The following CPS1 variants were observed in gnomAD, a reference collection of about 807,000 sequenced individuals.
The protein encoded by CPS1 is carbamoyl-phosphate synthase 1.
Under a neutral mutation model 174.6 loss-of-function variants are expected in CPS1, and 109 were observed. The observed-to-expected ratio is 0.62, with a 90% confidence interval of 0.53 to 0.73. The LOEUF (loss-of-function observed/expected upper bound fraction) is 0.73. Ranked by LOEUF, CPS1 falls within the 30% of genes least tolerant of loss-of-function variation. The pLI, the probability that CPS1 is intolerant of heterozygous loss-of-function variation, is 0.00. For missense variants in CPS1, 1,689 were observed against 1,821.9 expected, an observed-to-expected ratio of 0.93 and a Z score of 1.33; for synonymous variants, 637 against 632.0, an observed-to-expected ratio of 1.01 and a Z score of -0.12.
intron 1 of CPS1, among the ~76,000 whole-genome samples, chr2:210,503,948 A>T (rs17772042): frequency 0.23 from 35,468 of 152,090 alleles, 4,313 homozygotes; most frequent in Middle Eastern, 0.37. Flanking sequence ...CTGGAAGACC[A>T]CATAGCACAT....
intron 20 of CPS1, among the ~76,000 whole-genome samples, chr2:210,613,189 T>A (rs1448415746): frequency 6.6e-6 from 1 of 151,972 alleles, no homozygotes; most frequent in Non-Finnish European, 1.5e-5. Context: ...CTTTGTAATT[T>A]GCCTGTGTAG....
rs1016982009 is a variant in CPS1, at chr2:210,628,717, C to T, written c.2688-8985C>T. Among the ~76,000 whole-genome samples, 4 of 151,902 alleles carry T rather than the reference C, an allele frequency of 2.6e-5. No homozygotes were observed. The East Asian group carries it at 5.8e-4, about 22-fold the overall frequency. On this transcript the variant is annotated intron_variant, in intron 21 of 37. Transcript: ENST00000233072. ...TCGGAGACTGAGGCAGGAGAATCGCCTGAACTGGGGAGGTGGAGGTTGCAG... is the reference window on the plus strand; with the variant it reads ...TCGGAGACTGAGGCAGGAGAATCGCTTGAACTGGGGAGGTGGAGGTTGCAG...
At chr2:210,670,315 T>C (rs1203077673) in intron 34 of CPS1, among the ~76,000 whole-genome samples, 1 of 152,168 alleles carries the variant, frequency 6.6e-6, no homozygotes, top group African/African-American at 2.4e-5. Context: ...TTCATTACTA[T>C]ATGTAGGATT....
chr2:210,490,729 C>G (rs965788941), intron 1 of CPS1, among the ~76,000 whole-genome samples: 6 of 152,186 alleles, frequency 3.9e-5, no homozygotes, highest in African/African-American at 7.2e-5. Context: ...GGAAATGAAT[C>G]AATTCATTTT....
intron 1 of CPS1, among the ~76,000 whole-genome samples, chr2:210,480,362 T>C (rs1366883744): frequency 6.6e-6 from 1 of 152,240 alleles, no homozygotes; most frequent in Non-Finnish European, 1.5e-5. Flanking sequence ...AACAGCTATG[T>C]GTTCAGCTAC....
intron 1 of CPS1, among the ~76,000 whole-genome samples, chr2:210,557,353 A>G (rs935696462): frequency 6.6e-6 from 1 of 152,102 alleles, no homozygotes; most frequent in Non-Finnish European, 1.5e-5. Context: ...GCAGGTCATC[A>G]TGTAGACACT....
At chr2:210,552,029 T>C (rs973775889), upstream of CPS1, among the ~76,000 whole-genome samples, 2 of 151,982 alleles carry the variant, frequency 1.3e-5, no homozygotes, top group Non-Finnish European at 2.9e-5. Context: ...AGATGCCTTC[T>C]TCATCCATAT....
intron 1 of CPS1, among the ~76,000 whole-genome samples, chr2:210,537,697 T>G (rs1006762732): frequency 3.9e-5 from 6 of 152,316 alleles, no homozygotes; most frequent in African/African-American, 1.4e-4. Flanking sequence ...AAAACAGCAA[T>G]GATTATTTTA....
chr2:210,556,628 C>T lies in CPS1; in HGVS notation c.-106C>T, dbSNP rs1696920763. On this transcript the variant is annotated 5_prime_UTR_variant, in exon 1 of 38. Coordinates refer to ENST00000233072, the MANE Select transcript of CPS1 (RefSeq NM_001875.5). ...ATCGCTGTGCAGTCAGCCTTAAACA[C>T]TGACTGCACCCCTCCCAGATTTCTT... is the stretch of plus-strand genomic sequence containing the variant. The T allele has an allele frequency of 7.7e-6, 12 of 1,552,620 alleles. No homozygotes were observed. The highest frequency in any genetic ancestry group is 1.4e-5 in the African/African-American group (1 of 72,448).
intron 25 of CPS1, among the ~76,000 whole-genome samples, chr2:210,643,077 ACAGTTC>A (rs1700278557): frequency 1.3e-5 from 2 of 152,198 alleles, no homozygotes; most frequent in African/African-American, 4.8e-5. Context: ...TTAATGATAA[ACAGTTC>A]CAGTTCCCTG....
chr2:210,585,615 T>C (rs1251372733), intron 6 of CPS1, among the ~76,000 whole-genome samples: 1 of 152,016 alleles, frequency 6.6e-6, no homozygotes, highest in Non-Finnish European at 1.5e-5. Flanking sequence ...GTCTAGTGTC[T>C]GTCTCTCAGA....
At chr2:210,619,060 C>T (rs1478737382) in intron 21 of CPS1, 1 of 152,126 alleles carries the variant, frequency 6.6e-6, no homozygotes, top group African/African-American at 2.4e-5. Context: ...TCTCCTGCCT[C>T]AACATCTATC....
intron 1 of CPS1, among the ~76,000 whole-genome samples, chr2:210,513,014 C>A (rs563810529): frequency 0.077 from 260 of 3,368 alleles, 78 homozygotes; most frequent in Non-Finnish European, 0.088. Flanking sequence ...ATATATATAT[C>A]TATATATCTA....
chr2:210,622,562 T>C (rs1218725462), intron 21 of CPS1, among the ~76,000 whole-genome samples: 1 of 151,826 alleles, frequency 6.6e-6, no homozygotes, highest in African/African-American at 2.4e-5. Flanking sequence ...GCATATATAA[T>C]GAAGGTTTCT....
In CPS1 at chr2:210,549,191, C is replaced by A. The variant is rs953426712; in HGVS notation, c.4-7528C>A. On this transcript the variant is annotated intron_variant, in intron 1 of 38. Transcript: ENST00000430249. ...GATCTGGATTGCCATAGATAACCAT[C>A]TACCTCACAGCTAGGGTTGCTCTTT... is the stretch of plus-strand genomic sequence containing the variant. Among the ~76,000 whole-genome samples the A allele has an allele frequency of 2.0e-5, 3 of 152,046 alleles. No individual in the cohort carries two copies. In the South Asian group the frequency reaches 6.2e-4, roughly 31 times the overall value.
At chr2:210,496,698 G>A (rs1409284718) in intron 1 of CPS1, among the ~76,000 whole-genome samples, 1 of 152,108 alleles carries the variant, frequency 6.6e-6, no homozygotes, top group Non-Finnish European at 1.5e-5. Flanking sequence ...CTAGCTTCCT[G>A]CTCTTCCTCC....
chr2:210,481,051 T>C (rs1207339345), intron 1 of CPS1, among the ~76,000 whole-genome samples: 1 of 152,234 alleles, frequency 6.6e-6, no homozygotes, highest in Non-Finnish European at 1.5e-5. Flanking sequence ...GTCAGGATCT[T>C]ATTAATGTGC....
upstream of CPS1, chr2:210,556,398 C>T (rs73073545): frequency 2.0e-6 from 1 of 499,876 alleles, no homozygotes; most frequent in South Asian, 1.5e-5. Context: ...TCATTCCATT[C>T]AGCTGCATAA....
At chr2:210,550,444 C>T (rs1424858188) in intron 1 of CPS1, among the ~76,000 whole-genome samples, 1 of 151,984 alleles carries the variant, frequency 6.6e-6, no homozygotes, top group East Asian at 1.9e-4. Context: ...AACTTACTAG[C>T]TGTGTGACCT....
Sources: gnomAD v4.1 joint callset for allele counts (sites outside exome capture counted in the v4.1 genomes callset) on GRCh38, gnomAD v4.1.1 for gene constraint, MANE v1.5 for transcripts, NCBI Gene and HGNC (gene_info 2026-07-23, HGNC 2026-07-21) for gene names.